ASIC2: variants seen among roughly 807,000 people sequenced by gnomAD.
The protein encoded by ASIC2 is acid sensing ion channel subunit 2, also known as acid-sensing ion channel 2.
Under a neutral mutation model 57.3 loss-of-function variants are expected in ASIC2, and 25 were observed. The observed-to-expected ratio is 0.44, with a 90% CI of 0.32 to 0.61. The LOEUF is 0.61. ASIC2 is among the 20% of genes least tolerant of loss of function. ASIC2 has a pLI of 0.06. For missense variants in ASIC2, 641 were observed against 738.1 expected, an observed-to-expected ratio of 0.87 and a Z score of 1.52; for synonymous variants, 319 against 307.5, an observed-to-expected ratio of 1.04 and a Z score of -0.39.
intron 1 of ASIC2, among the ~76,000 whole-genome samples, chr17:33,778,486 T>A (rs1001366448): frequency 4.6e-5 from 7 of 152,200 alleles, no homozygotes; most frequent in Non-Finnish European, 8.8e-5. Flanking sequence ...CCATTATCCA[T>A]TGGATGATTT....
At chr17:33,853,579 T>C (rs181717809) in intron 1 of ASIC2, among the ~76,000 whole-genome samples, 77 of 152,338 alleles carry the variant, frequency 5.1e-4, no homozygotes, top group African/African-American at 1.8e-3. Flanking sequence ...GTAAGAGTCA[T>C]GGGTGGCCCA....
intron 1 of ASIC2, among the ~76,000 whole-genome samples, chr17:33,176,397 T>A (rs996365409): frequency 1.8e-4 from 28 of 152,150 alleles, no homozygotes; most frequent in Non-Finnish European, 1.5e-4. Context: ...CAGGCTGGAG[T>A]ACAGTGGCAC....
At chr17:33,873,840 C>T (rs1262852752) in intron 1 of ASIC2, among the ~76,000 whole-genome samples, 2 of 152,158 alleles carry the variant, frequency 1.3e-5, no homozygotes, top group Non-Finnish European at 2.9e-5. Context: ...GCCTCAAGCT[C>T]CCCTCTTTGT....
chr17:33,817,735 T>G (rs2141890715), intron 1 of ASIC2, among the ~76,000 whole-genome samples: 1 of 152,308 alleles, frequency 6.6e-6, no homozygotes, highest in African/African-American at 2.4e-5. Flanking sequence ...TATGATCTTA[T>G]TAAAATATTT....
chr17:34,024,020 G>A (rs1257631377), intron 1 of ASIC2, among the ~76,000 whole-genome samples: 20 of 152,198 alleles, frequency 1.3e-4, no homozygotes, highest in Admixed American at 1.3e-3. Flanking sequence ...CTTTGACAGA[G>A]GGAAACTAAT....
At chr17:33,710,975 C>T (rs1056741198) in intron 1 of ASIC2, among the ~76,000 whole-genome samples, 5 of 135,340 alleles carry the variant, frequency 3.7e-5, no homozygotes, top group Admixed American at 2.8e-4. Flanking sequence ...GAGACAGGGT[C>T]TTGCTCTGTT....
chr17:33,210,183 T>C (rs186578213), intron 1 of ASIC2, among the ~76,000 whole-genome samples: 1 of 152,286 alleles, frequency 6.6e-6, no homozygotes, highest in East Asian at 1.9e-4. Flanking sequence ...CAGTACCCAT[T>C]AGGCAACATT....
chr17:33,867,309 T>A (rs977942571), intron 1 of ASIC2, among the ~76,000 whole-genome samples: 1 of 152,206 alleles, frequency 6.6e-6, no homozygotes, highest in Admixed American at 6.5e-5. Flanking sequence ...TCTTTCCTGA[T>A]CCCCTGTAAT....
chr17:33,506,173 T>C (rs1204141493), intron 1 of ASIC2, among the ~76,000 whole-genome samples: 1 of 144,636 alleles, frequency 6.9e-6, no homozygotes, highest in African/African-American at 2.6e-5. Context: ...GGCGGGCAGA[T>C]CACGAGGTCA....
At chr17:34,147,975 C>A (rs893235347) in intron 1 of ASIC2, among the ~76,000 whole-genome samples, 4 of 152,070 alleles carry the variant, frequency 2.6e-5, no homozygotes, top group African/African-American at 7.2e-5. Context: ...TCAGCTCTTA[C>A]AAAAGAAATC....
intron 1 of ASIC2, among the ~76,000 whole-genome samples, chr17:33,947,120 C>T (rs1360634170): frequency 4.0e-5 from 6 of 150,890 alleles, no homozygotes; most frequent in African/African-American, 1.5e-4. Flanking sequence ...ATTCACAGTT[C>T]CGTCTGCCCT....
intron 1 of ASIC2, chr17:34,037,431 G>A (rs1487209182): frequency 3.5e-6 from 2 of 566,278 alleles, no homozygotes; most frequent in Non-Finnish European, 6.1e-6. Context: ...CCTGGCCGGA[G>A]CTGCCCAAGG....
intron 1 of ASIC2, among the ~76,000 whole-genome samples, chr17:33,447,475 C>T (rs535659717): frequency 4.6e-5 from 7 of 152,222 alleles, no homozygotes; most frequent in Admixed American, 6.5e-5. Flanking sequence ...AGTGAGTGAT[C>T]AGATCTTATA....
At chr17:33,122,581 T>A (rs750537158) in intron 1 of ASIC2, among the ~76,000 whole-genome samples, 1 of 152,210 alleles carries the variant, frequency 6.6e-6, no homozygotes, top group South Asian at 2.1e-4. Flanking sequence ...TTTCAATACA[T>A]GTATACATTG....
chr17:33,593,537 G>A (rs1567663614), intron 1 of ASIC2, among the ~76,000 whole-genome samples: 1 of 152,206 alleles, frequency 6.6e-6, no homozygotes, highest in Non-Finnish European at 1.5e-5. Flanking sequence ...TGCAATCTCA[G>A]CTTTGCCTCT....
chr17:33,799,398 C>A (rs1225677293), intron 1 of ASIC2, among the ~76,000 whole-genome samples: 1 of 49,764 alleles, frequency 2.0e-5, no homozygotes, highest in Non-Finnish European at 5.4e-5. Flanking sequence ...TTCTTTCTTT[C>A]TTTCTTTTCT....
rs979830076 is a variant in ASIC2, at chr17:34,090,455, T to C, written c.555+65523A>G. Among the ~76,000 whole-genome samples, 4 of 136,806 alleles carry C rather than the reference T, an allele frequency of 2.9e-5. No individual in the cohort carries two copies. The Admixed American group carries it at 3.1e-4, about 11-fold the overall frequency. 89.8% of individuals were successfully genotyped at this position (136,806 alleles called of 152,430 possible). A position where few individuals can be genotyped will look rare whatever the true frequency, so the allele number is the denominator to read the frequency against. ...TAAGAATCAGACCTTCTGACAACCA[T>C]GCCGGTTGTGGTACAGGGGGCTGGG... On this transcript the variant is annotated intron_variant, in intron 1 of 9. Transcript: ENST00000359872.
At chr17:33,643,648 A>G (rs565365662) in intron 1 of ASIC2, among the ~76,000 whole-genome samples, 3 of 152,228 alleles carry the variant, frequency 2.0e-5, no homozygotes, top group East Asian at 3.8e-4. Context: ...ACCTCTTTCT[A>G]TACTAGCTCC....
chr17:34,156,738 T>C lies in ASIC2; in HGVS notation c.-206A>G, dbSNP rs1904738676. ...ATATAAAACCCATTCAAACTCTAGC[T>C]CTTGATTTTTTCCAGGCGATAAGGA... On this transcript the variant is annotated 5_prime_UTR_variant, in exon 1 of 10. Transcript: ENST00000359872. This position sits in a 1 kb window ranked among gnomAD's most constrained non-coding sequence, Gnocchi z 4.4. The C allele has an allele frequency of 2.8e-5, 16 of 565,194 alleles. No individual in the cohort carries two copies. In the South Asian group the frequency reaches 4.2e-4, roughly 15 times the overall value. 35.0% of individuals were successfully genotyped at this position (565,194 alleles called of 1,614,324 possible). A position where few individuals can be genotyped will look rare whatever the true frequency, so the allele number is the denominator to read the frequency against.
Sources: allele counts gnomAD v4.1 joint callset (sites outside exome capture counted in the v4.1 genomes callset), GRCh38; gene constraint gnomAD v4.1.1; non-coding constraint Gnocchi (gnomAD v3.1); transcripts MANE v1.5; gene names NCBI Gene and HGNC (gene_info 2026-07-23, HGNC 2026-07-21).